The following TMC2 variants were observed in gnomAD, a reference collection of about 807,000 sequenced individuals.
TMC2 encodes transmembrane channel-like protein 2.
A neutral mutation model predicts 105.9 loss-of-function variants in TMC2; 102 were observed. The observed-to-expected ratio is 0.96, with a 90% CI of 0.82 to 1.14. The LOEUF (loss-of-function observed/expected upper bound fraction) is 1.14, where lower values mean the gene tolerates loss of function less well. TMC2 is among the 50% of genes most tolerant of loss of function. TMC2 has a pLI of 0.00. For synonymous variants in TMC2, 402 were observed against 422.8 expected, an observed-to-expected ratio of 0.95 and a Z score of 0.60; for missense variants, 1,093 against 1,134.3, an observed-to-expected ratio of 0.96 and a Z score of 0.52.
At chr20:2,630,105 G>A (rs1392580386) in intron 17 of TMC2, among the ~76,000 whole-genome samples, 1 of 152,018 alleles carries the variant, frequency 6.6e-6, no homozygotes, top group Admixed American at 6.5e-5. Context: ...CAAATAATAA[G>A]TCCAAAAAAT....
intron 7 of TMC2, among the ~76,000 whole-genome samples, chr20:2,588,801 A>G (rs531995526): frequency 1.3e-5 from 2 of 151,482 alleles, no homozygotes; most frequent in African/African-American, 4.8e-5. Context: ...TTTTCTCTAT[A>G]TATTTAAGTC....
At chr20:2,610,295 GGCATCTCCAGGCGCA>G in intron 11 of TMC2, 109 bp from the exon 12 acceptor site, 2 of 873,294 alleles carry the variant, frequency 2.3e-6, no homozygotes, top group African/African-American at 3.4e-5. Context: ...TAGACCCCAG[GGCATCTCCAGGCGCA>G]GCAGAGGGGG....
At chr20:2,581,876 G>A (rs1217436457) in intron 7 of TMC2, among the ~76,000 whole-genome samples, 1 of 152,208 alleles carries the variant, frequency 6.6e-6, no homozygotes, top group African/African-American at 2.4e-5. Context: ...AGTGATTGGT[G>A]CATTCCAATG....
intron 16 of TMC2, among the ~76,000 whole-genome samples, chr20:2,620,170 C>T (rs1330706902): frequency 6.6e-6 from 1 of 152,156 alleles, no homozygotes; most frequent in Non-Finnish European, 1.5e-5. Context: ...GAAGGTACAG[C>T]CTGGTTTCTT....
At chr20:2,621,290 A>T (rs2086523014) in intron 16 of TMC2, among the ~76,000 whole-genome samples, 1 of 150,802 alleles carries the variant, frequency 6.6e-6, no homozygotes, top group South Asian at 2.1e-4. Flanking sequence ...TGAACCCGGG[A>T]GGTGGAGGTT....
At chr20:2,557,927 G>A (rs1242080422) in intron 2 of TMC2, among the ~76,000 whole-genome samples, 2 of 152,336 alleles carry the variant, frequency 1.3e-5, no homozygotes, top group Admixed American at 6.5e-5. Flanking sequence ...TTGTGGATGA[G>A]ACCCCAATAA....
chr20:2,620,968 A>G (rs2086520698), intron 16 of TMC2, among the ~76,000 whole-genome samples: 1 of 152,032 alleles, frequency 6.6e-6, no homozygotes, highest in African/African-American at 2.4e-5. Flanking sequence ...CCACCATTTT[A>G]TTTTTGAGAG....
At chr20:2,551,532 T>C (rs1043816171) in intron 2 of TMC2, among the ~76,000 whole-genome samples, 11 of 152,304 alleles carry the variant, frequency 7.2e-5, no homozygotes, top group South Asian at 4.1e-4. Flanking sequence ...TGTTTTTATT[T>C]TTGTTTTCAT....
At position 2,597,232 on chromosome 20, in the gene TMC2, G is replaced by A. The variant is rs1341231276; in HGVS notation, c.1158G>A (p.Trp386Ter). ...FTFSFKMFTSWDYLIGNSETA... is the reference protein window; with the variant it reads ...FTFSFKMFTS ...TCAGCTTCAAGATGTTCACCAGCTG[G>A]GACTACCTGATCGGGAATTCAGAGA... Residue 386 changes from tryptophan (W) to a stop codon, truncating the protein, a stop_gained, in exon 10 of 20, where the codon TGG (tryptophan) becomes TGA (stop). Coordinates refer to ENST00000358864, the MANE Select transcript of TMC2 (RefSeq NM_080751.3). LOFTEE classifies it high-confidence loss of function. The A allele has an allele frequency of 6.2e-7, 1 of 1,614,034 alleles. No individual in the cohort carries two copies. Among genetic ancestry groups the A allele is most frequent in the African/African-American group, 1.3e-5 (1 of 75,010 alleles).
chr20:2,634,617 A>AT (rs2086628212), intron 17 of TMC2, among the ~76,000 whole-genome samples: 1 of 152,242 alleles, frequency 6.6e-6, no homozygotes, highest in Admixed American at 6.5e-5. Flanking sequence ...TTTGGAAACA[A>AT]CCTTGGGAGG....
At chr20:2,611,796 G>A (rs1042854570) in intron 12 of TMC2, among the ~76,000 whole-genome samples, 19 of 150,320 alleles carry the variant, frequency 1.3e-4, no homozygotes, top group African/African-American at 4.4e-4. Context: ...CTGGATAGAT[G>A]CATGAATGGA....
intron 2 of TMC2, among the ~76,000 whole-genome samples, chr20:2,548,709 G>C (rs1382848950): frequency 6.6e-6 from 1 of 151,528 alleles, no homozygotes; most frequent in Non-Finnish European, 1.5e-5. Context: ...CTCAATACCA[G>C]TTCAAGGCTT....
At chr20:2,585,874 T>C (rs1169216967) in intron 7 of TMC2, among the ~76,000 whole-genome samples, 1 of 152,228 alleles carries the variant, frequency 6.6e-6, no homozygotes, top group South Asian at 2.1e-4. Flanking sequence ...CCATTTTTTA[T>C]AACCTAATCT....
chr20:2,563,057 C>G (rs1165024708), intron 4 of TMC2, among the ~76,000 whole-genome samples: 1 of 152,180 alleles, frequency 6.6e-6, no homozygotes, highest in Non-Finnish European at 1.5e-5. Flanking sequence ...CAAGGTCCCT[C>G]TGTTTTTTTG....
chr20:2,569,890 G>C (rs1214193413), intron 4 of TMC2, among the ~76,000 whole-genome samples: 1 of 152,182 alleles, frequency 6.6e-6, no homozygotes, highest in Non-Finnish European at 1.5e-5. Context: ...CAGACACAGA[G>C]AGTCAAGAAT....
intron 13 of TMC2, among the ~76,000 whole-genome samples, 154 bp downstream of exon 13, chr20:2,612,494 A>C (rs890021537): frequency 4.6e-5 from 7 of 152,338 alleles, no homozygotes; most frequent in African/African-American, 1.4e-4. Context: ...AAAATGACCA[A>C]AGCAGATCCT....
At chr20:2,619,771 C>T (rs2086511634) in intron 16 of TMC2, among the ~76,000 whole-genome samples, 1 of 152,202 alleles carries the variant, frequency 6.6e-6, no homozygotes. Flanking sequence ...TCTTCCTAAG[C>T]AAGGTTTGGA....
chr20:2,561,811 A>T (rs1415685953), intron 3 of TMC2, 47 bp from the exon 4 acceptor site: 19 of 1,588,864 alleles, frequency 1.2e-5, no homozygotes, highest in Non-Finnish European at 1.6e-5. Context: ...TGAGGACACC[A>T]CCTCCTTTCC....
At chr20:2,549,140 C>T (rs1218120611) in intron 2 of TMC2, among the ~76,000 whole-genome samples, 2 of 152,114 alleles carry the variant, frequency 1.3e-5, no homozygotes, top group African/African-American at 2.4e-5. Context: ...GCACTGGTGC[C>T]ATCACAGCTC....
Sources: gnomAD v4.1 joint callset for allele counts (sites outside exome capture counted in the v4.1 genomes callset) on GRCh38, gnomAD v4.1.1 for gene constraint, MANE v1.5 for transcripts, NCBI Gene and HGNC (gene_info 2026-07-23, HGNC 2026-07-21) for gene names.